The following CDH23 variants were observed in gnomAD, a reference collection of about 807,000 sequenced individuals.
CDH23 encodes cadherin related 23.
Under a neutral mutation model 317.1 loss-of-function variants are expected in CDH23, and 189 were observed. The ratio of observed to expected loss-of-function variants is 0.60; its 90% CI spans 0.53 to 0.67. The LOEUF (loss-of-function observed/expected upper bound fraction) is 0.67. Among genes scored for constraint, CDH23 ranks in the 30% least tolerant of loss-of-function variants. The pLI is 0.00. For synonymous variants in CDH23, 1,839 were observed against 1,876.8 expected (o/e 0.98, Z 0.52); for missense variants, 4,401 against 4,592.4 (o/e 0.96, Z 1.20).
intron 6 of CDH23, among the ~76,000 whole-genome samples, chr10:71,561,194 G>A (rs553365659): frequency 1.5e-4 from 23 of 150,944 alleles, no homozygotes; most frequent in African/African-American, 3.9e-4. Context: ...CTTTTCTCTC[G>A]CAAATTATCT....
rs145779213 is a variant in CDH23 at position 71,751,761 on chromosome 10, G to A, written c.4845+9840G>A. Reference sequence around the variant, plus strand: ...TGCCGCCCAGACTCAGAAGGCTGCCGCTGGGCCACATAGGACAGGGGGTGC... The same window carrying A: ...TGCCGCCCAGACTCAGAAGGCTGCCACTGGGCCACATAGGACAGGGGGTGC... On this transcript the variant is annotated intron_variant, in intron 38 of 69. Transcript: ENST00000224721. The surrounding 1 kb of genome is among the most constrained non-coding windows in gnomAD (Gnocchi z 4.9). The A allele has an allele frequency of 1.7e-5, 27 of 1,603,708 alleles. No individual in the cohort carries two copies. The highest frequency in any genetic ancestry group is 6.7e-5 in the East Asian group (3 of 44,686).
At chr10:71,502,856 A>C (rs1265601455) in intron 3 of CDH23, among the ~76,000 whole-genome samples, 1 of 152,178 alleles carries the variant, frequency 6.6e-6, no homozygotes, top group Non-Finnish European at 1.5e-5. Flanking sequence ...TTGGTAACAA[A>C]TATTGCTTTC....
At chr10:71,720,161 G>C (rs1866486313) in intron 28 of CDH23, among the ~76,000 whole-genome samples, 1 of 152,206 alleles carries the variant, frequency 6.6e-6, no homozygotes, top group African/African-American at 2.4e-5. Flanking sequence ...GAGGGGAGCA[G>C]GGAGAGTGCT....
intron 47 of CDH23, among the ~76,000 whole-genome samples, chr10:71,792,087 A>G (rs980218408): frequency 6.6e-6 from 1 of 152,216 alleles, no homozygotes; most frequent in African/African-American, 2.4e-5. Context: ...GCCATGCAAT[A>G]TGGGCACAAG....
intron 38 of CDH23, chr10:71,753,698 A>G: frequency 2.2e-6 from 1 of 452,754 alleles, no homozygotes; most frequent in South Asian, 1.6e-5. Context: ...TCCCTCTTTC[A>G]TGCAGCACCC....
chr10:71,442,798 C>T (rs1449329995), intron 2 of CDH23, among the ~76,000 whole-genome samples: 1 of 152,162 alleles, frequency 6.6e-6, no homozygotes, highest in African/African-American at 2.4e-5. Flanking sequence ...CTTCCCCACC[C>T]GACAACATGT....
rs776626429 is a variant in CDH23, at chr10:71,694,197, A to T, written c.2227A>T (p.Ile743Phe). The change falls in exon 21 of 70, where the codon ATC becomes TTC. Residue 743 changes from isoleucine to phenylalanine, a missense_variant. Physicochemically the swap from Ile to Phe is conservative, Grantham distance 21 (BLOSUM62 0). Coordinates refer to ENST00000224721, the MANE Select transcript of CDH23 (RefSeq NM_022124.6). The stretch of plus-strand genomic sequence containing the variant: ...TGACCGAGAGACCAAGTCTGAATAC[A>T]TCCTCATCGTTCGCGCAGTGGACGG... ...LLDRETKSEY[I>F]LIVRAVDGGV... 5 of 1,613,600 alleles carry T rather than the reference A, an allele frequency of 3.1e-6. No homozygotes were observed.
chr10:71,437,834 A>C (rs1416935610), intron 1 of CDH23, among the ~76,000 whole-genome samples: 1 of 152,194 alleles, frequency 6.6e-6, no homozygotes, highest in Non-Finnish European at 1.5e-5. Flanking sequence ...AGCAGCTGCC[A>C]CTTTTCAACA....
At chr10:71,548,203 C>T (rs1053659360) in intron 6 of CDH23, among the ~76,000 whole-genome samples, 4 of 152,160 alleles carry the variant, frequency 2.6e-5, no homozygotes, top group East Asian at 1.9e-4. Flanking sequence ...GCCTGCTGCA[C>T]GCCTGAGTAA....
At chr10:71,493,122 G>A (rs1454625565) in intron 3 of CDH23, among the ~76,000 whole-genome samples, 1 of 152,174 alleles carries the variant, frequency 6.6e-6, no homozygotes, top group Non-Finnish European at 1.5e-5. Context: ...GGGGAGTGGT[G>A]GGGTTGTTGG....
intron 38 of CDH23, chr10:71,755,122 G>A (rs930092107): frequency 9.1e-5 from 59 of 649,540 alleles, no homozygotes; most frequent in Admixed American, 2.1e-4. Context: ...ATTGAGTGCC[G>A]AGCCAGCACT....
At chr10:71,466,083 C>T (rs191986841) in intron 3 of CDH23, among the ~76,000 whole-genome samples, 1 of 152,304 alleles carries the variant, frequency 6.6e-6, no homozygotes, top group East Asian at 1.9e-4. Flanking sequence ...ACTTTGCTTC[C>T]TCTCACCCAC....
In CDH23 at chr10:71,795,204, T is replaced by C. The variant is rs138638176; in HGVS notation, c.6712+1564T>C. 8.0e-4 allele frequency among the ~76,000 whole-genome samples: 121 copies of C among 152,150 alleles called. 1 individual carries two copies. In the East Asian group the frequency reaches 0.023, roughly 29 times the overall value. Reference sequence around the variant, plus strand: ...GGGAGAAGGGAAGGAGAGATGAGTATGGGAATGAAAGGGAGTAGACGCACA... The same window carrying C: ...GGGAGAAGGGAAGGAGAGATGAGTACGGGAATGAAAGGGAGTAGACGCACA... On this transcript the variant is annotated intron_variant, in intron 48 of 69. Coordinates refer to ENST00000224721, the MANE Select transcript of CDH23 (RefSeq NM_022124.6).
At chr10:71,607,212 C>G (rs1056532983) in intron 9 of CDH23, among the ~76,000 whole-genome samples, 1 of 152,230 alleles carries the variant, frequency 6.6e-6, no homozygotes, top group Non-Finnish European at 1.5e-5. Context: ...CAGCCTGCCC[C>G]AGGGGCGGGG....
intron 28 of CDH23, among the ~76,000 whole-genome samples, chr10:71,720,879 G>A (rs1035038995): frequency 4.6e-5 from 7 of 152,184 alleles, no homozygotes; most frequent in Admixed American, 3.9e-4. Flanking sequence ...GGGGGACTTG[G>A]TGTTTCCCCT....
intron 44 of CDH23, among the ~76,000 whole-genome samples, chr10:71,788,270 G>A (rs181789836): frequency 1.6e-4 from 24 of 152,046 alleles, no homozygotes; most frequent in Admixed American, 1.0e-3. Context: ...GGCTGGTCTC[G>A]AACTCCTGAC....
chr10:71,661,227 G>A (rs904571573), intron 14 of CDH23, among the ~76,000 whole-genome samples: 5 of 152,256 alleles, frequency 3.3e-5, no homozygotes, highest in South Asian at 2.1e-4. Context: ...AACTGAACTT[G>A]ATTAGCCAAC....
intron 14 of CDH23, among the ~76,000 whole-genome samples, chr10:71,658,982 G>C (rs955864629): frequency 3.3e-5 from 5 of 152,152 alleles, no homozygotes; most frequent in African/African-American, 1.2e-4. Flanking sequence ...AAAATGAAAG[G>C]GTTCTGCTGG....
rs1309343594 is a variant in CDH23, at chr10:71,566,870, C to A, written c.558C>A (p.Ile186=). Residue 186 remains isoleucine (I), a synonymous_variant, in exon 7 of 70, where the codon ATC becomes ATA. Transcript: ENST00000224721. ...QFFAIDSARG[I]VTVIRELDYE... ...TCGCCATTGACAGCGCCCGCGGTAT[C>A]GTCACAGTGATCCGGGAGCTGGACT... 6.2e-7 allele frequency: 1 copy of A among 1,613,874 alleles called. No individual in the cohort carries two copies. Among genetic ancestry groups the A allele is most frequent in the African/African-American group, 1.3e-5 (1 of 74,928 alleles).
Sources: gnomAD v4.1 joint callset for allele counts (sites outside exome capture counted in the v4.1 genomes callset) on GRCh38, gnomAD v4.1.1 for gene constraint, Gnocchi (gnomAD v3.1) non-coding constraint, MANE v1.5 for transcripts, NCBI Gene and HGNC (gene_info 2026-07-23, HGNC 2026-07-21) for gene names.